The following DPP10 variants were observed in gnomAD, a reference collection of about 807,000 sequenced individuals.
DPP10 encodes the protein inactive dipeptidyl peptidase 10.
DPP10 carries 33 observed loss-of-function variants against 120.9 expected under a neutral mutation model. The ratio of observed to expected loss-of-function variants is 0.27; its 90% CI spans 0.21 to 0.37. The LOEUF (loss-of-function observed/expected upper bound fraction) is 0.37. Ranked by LOEUF, DPP10 falls within the 10% of genes least tolerant of loss-of-function variation. DPP10 has a pLI of 1.00. For missense variants in DPP10, 816 were observed against 942.8 expected (o/e 0.87, Z 1.76); for synonymous variants, 337 against 326.1 (o/e 1.03, Z -0.36).
chr2:115,613,730 T>A (rs1203125205), intron 5 of DPP10, among the ~76,000 whole-genome samples: 1 of 152,248 alleles, frequency 6.6e-6, no homozygotes, highest in African/African-American at 2.4e-5. Flanking sequence ...TCTCAGTTCA[T>A]GTTCCAGCAA....
At chr2:115,503,963 C>A (rs1226295069) in intron 4 of DPP10, among the ~76,000 whole-genome samples, 2 of 151,946 alleles carry the variant, frequency 1.3e-5, no homozygotes, top group African/African-American at 2.4e-5. Flanking sequence ...ACAAGAGAAA[C>A]CCTGTGATAA....
chr2:115,794,443 T>A (rs1684324671), intron 19 of DPP10, among the ~76,000 whole-genome samples: 1 of 152,228 alleles, frequency 6.6e-6, no homozygotes, highest in Non-Finnish European at 1.5e-5. Context: ...CTTGGTCATA[T>A]GTTTTGAAAC....
intron 1 of DPP10, among the ~76,000 whole-genome samples, chr2:114,487,723 C>T (rs1681635128): frequency 6.6e-6 from 1 of 152,078 alleles, no homozygotes; most frequent in Admixed American, 6.6e-5. Context: ...CCCTCAAACC[C>T]ACTCTGGCTA....
chr2:115,629,686 C>T (rs1286725066), intron 5 of DPP10, among the ~76,000 whole-genome samples: 2 of 152,080 alleles, frequency 1.3e-5, no homozygotes, highest in African/African-American at 2.4e-5. Context: ...TTGTTTTTGT[C>T]AGGTTTGTTG....
chr2:115,689,613 T>A (rs1186059170), intron 5 of DPP10, 74 bp from the exon 6 acceptor site: 3 of 983,264 alleles, frequency 3.1e-6, no homozygotes, highest in Non-Finnish European at 4.4e-6. Flanking sequence ...TACCTGGATG[T>A]TACTAAGAAT....
intron 5 of DPP10, among the ~76,000 whole-genome samples, chr2:115,602,406 A>G (rs932760218): frequency 1.3e-5 from 2 of 152,230 alleles, no homozygotes; most frequent in Non-Finnish European, 2.9e-5. Flanking sequence ...TCAAATTTAT[A>G]TCACATTAGT....
At chr2:114,951,219 C>T (rs907721714) in intron 1 of DPP10, among the ~76,000 whole-genome samples, 8 of 152,146 alleles carry the variant, frequency 5.3e-5, no homozygotes, top group Non-Finnish European at 1.2e-4. Flanking sequence ...AAGCGGCAAT[C>T]ATATATTTTA....
At chr2:115,498,066 A>C (rs1185540631) in intron 3 of DPP10, among the ~76,000 whole-genome samples, 1 of 152,038 alleles carries the variant, frequency 6.6e-6, no homozygotes, top group Non-Finnish European at 1.5e-5. Flanking sequence ...TCAGGGAGTA[A>C]CTGGGAAATC....
chr2:114,744,362 C>T (rs1678360810), intron 1 of DPP10, among the ~76,000 whole-genome samples: 1 of 152,036 alleles, frequency 6.6e-6, no homozygotes, highest in Non-Finnish European at 1.5e-5. Flanking sequence ...AAGAAAAGGC[C>T]AATTTGGAAG....
intron 1 of DPP10, among the ~76,000 whole-genome samples, chr2:114,785,614 A>G (rs146980882): frequency 8.9e-4 from 136 of 152,276 alleles, no homozygotes; most frequent in African/African-American, 3.2e-3. Context: ...TGTGTCCCCA[A>G]ATCTCAACTC....
At chr2:115,633,616 C>T (rs2086077201) in intron 5 of DPP10, among the ~76,000 whole-genome samples, 1 of 152,112 alleles carries the variant, frequency 6.6e-6, no homozygotes, top group African/African-American at 2.4e-5. Flanking sequence ...GGCCCTCAAT[C>T]TCTTCTGGAA....
At chr2:115,727,337 G>A (rs2092790133) in intron 7 of DPP10, among the ~76,000 whole-genome samples, 1 of 152,106 alleles carries the variant, frequency 6.6e-6, no homozygotes, top group South Asian at 2.1e-4. Context: ...TCTGTGAGCT[G>A]AGCTAGATAG....
chr2:114,615,788 T>C (rs1693630838), intron 1 of DPP10, among the ~76,000 whole-genome samples: 1 of 152,144 alleles, frequency 6.6e-6, no homozygotes, highest in Non-Finnish European at 1.5e-5. Context: ...TAGAAATTAT[T>C]TGCAAGATTC....
intron 1 of DPP10, among the ~76,000 whole-genome samples, chr2:115,018,430 T>C (rs1024761609): frequency 6.6e-6 from 1 of 152,226 alleles, no homozygotes. Context: ...GTGGCATTAT[T>C]CACAATAGCA....
chr2:114,482,774 G>A (rs926762992), intron 1 of DPP10, among the ~76,000 whole-genome samples: 3 of 152,132 alleles, frequency 2.0e-5, no homozygotes, highest in East Asian at 1.9e-4. Context: ...TAGCCAATGC[G>A]TATCTTGTAC....
intron 1 of DPP10, among the ~76,000 whole-genome samples, chr2:115,113,689 A>C (rs4624391): frequency 0.48 from 72,986 of 151,872 alleles, 18,037 homozygotes; most frequent in East Asian, 0.67. Context: ...TCTATGTGAA[A>C]AGTCCAAGAA....
rs533834376 is a variant in DPP10, at chr2:115,205,240, C to A, written c.61-103999C>A. ...GTAGTTTTAGGTCTTACATTTAAGT[C>A]TTTAATTCATCTTGGGTTAACTTTT... On this transcript the variant is annotated intron_variant, in intron 1 of 25. Coordinates refer to ENST00000410059, the MANE Select transcript of DPP10 (RefSeq NM_020868.6). 7.9e-5 allele frequency among the ~76,000 whole-genome samples: 12 copies of A among 152,206 alleles called. No individual in the cohort carries two copies. In the South Asian group the frequency reaches 1.7e-3, roughly 21 times the overall value.
At chr2:115,601,729 A>G (rs1411080157) in intron 5 of DPP10, among the ~76,000 whole-genome samples, 12 of 152,112 alleles carry the variant, frequency 7.9e-5, no homozygotes. Flanking sequence ...GCTGGAGTGC[A>G]GTGGCACGAC....
chr2:114,918,023 A>G (rs1439221043), intron 1 of DPP10, among the ~76,000 whole-genome samples: 1 of 152,134 alleles, frequency 6.6e-6, no homozygotes, highest in Non-Finnish European at 1.5e-5. Flanking sequence ...AACAATCTAC[A>G]GAATGGGAGA....
Sources: gnomAD v4.1 joint callset for allele counts (sites outside exome capture counted in the v4.1 genomes callset) on GRCh38, gnomAD v4.1.1 for gene constraint, MANE v1.5 for transcripts, NCBI Gene and HGNC (gene_info 2026-07-23, HGNC 2026-07-21) for gene names.